MTMR1: variants seen among roughly 807,000 people sequenced by gnomAD.
MTMR1 encodes the protein phosphatidylinositol-3-phosphate phosphatase MTMR1.
MTMR1 carries 17 observed loss-of-function variants against 51.6 expected under a neutral mutation model. The ratio of observed to expected loss-of-function variants is 0.33; its 90% confidence interval spans 0.23 to 0.49. The LOEUF is 0.49. MTMR1 is among the 20% of genes least tolerant of loss of function. The pLI is 0.99. For synonymous variants in MTMR1, 201 were observed against 205.6 expected (o/e 0.98, Z 0.19); for missense variants, 386 against 526.9 (o/e 0.73, Z 2.62).
At chrX:150,733,502 C>T (rs2042178171) in intron 10 of MTMR1, among the ~76,000 whole-genome samples, 1 of 110,426 alleles carries the variant, frequency 9.1e-6, no homozygotes, top group Non-Finnish European at 1.9e-5. Flanking sequence ...GTTGACATCT[C>T]TGCTTGGCTG....
At chrX:150,724,478 T>A (rs998454804) in intron 4 of MTMR1, among the ~76,000 whole-genome samples, 2 of 112,008 alleles carry the variant, frequency 1.8e-5, no homozygotes, top group Admixed American at 9.5e-5. Context: ...TCCTTATAGA[T>A]GCTGGATATT....
chrX:150,706,021 A>G (rs1327136716), intron 2 of MTMR1, among the ~76,000 whole-genome samples: 1 of 111,569 alleles, frequency 9.0e-6, no homozygotes, highest in Non-Finnish European at 1.9e-5. Context: ...GTAATTTATA[A>G]AGAAAATAAA....
intron 10 of MTMR1, chrX:150,735,636 C>CT: frequency 5.7e-6 from 2 of 347,908 alleles, no homozygotes; most frequent in Non-Finnish European, 5.0e-6. Flanking sequence ...GAGTGATCTT[C>CT]TTTTTTAAAA....
chrX:150,722,456 G>A (rs1469410505), intron 4 of MTMR1, among the ~76,000 whole-genome samples: 3 of 111,724 alleles, frequency 2.7e-5, no homozygotes, highest in Non-Finnish European at 5.7e-5. Flanking sequence ...AATTGACCTC[G>A]TTATTATCAT....
intron 1 of MTMR1, among the ~76,000 whole-genome samples, chrX:150,698,673 C>G (rs974228311): frequency 1.9e-5 from 1 of 53,942 alleles, no homozygotes; most frequent in African/African-American, 7.6e-5. Context: ...CCTGTCTACA[C>G]GCGCGCGCAC....
At chrX:150,751,034 G>C in intron 14 of MTMR1, 191 bp downstream of exon 14, 1 of 1,159,253 alleles carries the variant, frequency 8.6e-7, no homozygotes, top group Non-Finnish European at 1.2e-6. Context: ...TTCTAGGCAT[G>C]GGGGGCTGGG....
In MTMR1 at chrX:150,730,136, A is replaced by G; in HGVS notation, c.583A>G (p.Lys195Glu). The G allele has an allele frequency of 8.3e-7, 1 of 1,202,333 alleles. No homozygotes were observed. The highest frequency in any genetic ancestry group is 1.8e-5 in the South Asian group (1 of 54,764). ...TATGAGGAACTTGCGGCTTGCTTATAAACAGGAAGAACAGAGTAAACTAGG... is the reference window on the plus strand; with the variant it reads ...TATGAGGAACTTGCGGCTTGCTTATGAACAGGAAGAACAGAGTAAACTAGG... ...KDMRNLRLAY[K>E]QEEQSKLGIF... The change falls in exon 7 of 16, where the codon AAA (lysine) becomes GAA (glutamate). Residue 195 changes from lysine to glutamate, a missense_variant. Lys to Glu is a moderately conservative substitution (Grantham distance 56, BLOSUM62 1). Coordinates refer to ENST00000445323, the MANE Select transcript of MTMR1 (RefSeq NM_001306144.3).
intron 15 of MTMR1, among the ~76,000 whole-genome samples, chrX:150,759,726 C>G (rs2043031140): frequency 9.1e-6 from 1 of 109,886 alleles, no homozygotes; most frequent in Admixed American, 9.6e-5. Flanking sequence ...TAGGCGAAGC[C>G]ACCTGCAACA....
chrX:150,754,231 T>G (rs1340835844), intron 14 of MTMR1, among the ~76,000 whole-genome samples: 2 of 113,319 alleles, frequency 1.8e-5, no homozygotes, highest in Admixed American at 9.3e-5. Flanking sequence ...TGTAGCTTTG[T>G]GGTAAGTTTT....
At chrX:150,762,417 G>A in intron 15 of MTMR1, 148 bp from the exon 16 acceptor site, 1 of 716,585 alleles carries the variant, frequency 1.4e-6, no homozygotes, top group African/African-American at 2.2e-5. Flanking sequence ...TTGTCCACCT[G>A]ACGCGAGATC....
At chrX:150,727,893 C>T (rs1398933489) in intron 6 of MTMR1, 102 bp downstream of exon 6, 1 of 454,079 alleles carries the variant, frequency 2.2e-6, no homozygotes, top group African/African-American at 2.4e-5. Context: ...ATAATTTGTA[C>T]TGCTAGTAAC....
intron 4 of MTMR1, among the ~76,000 whole-genome samples, chrX:150,719,672 G>A (rs1557416527): frequency 8.9e-6 from 1 of 112,018 alleles, no homozygotes; most frequent in Non-Finnish European, 1.9e-5. Context: ...CAACACAGGC[G>A]TAAAATGTAA....
rs1231239529 is a variant in MTMR1, at chrX:150,749,569, C to T, written c.1567-1161C>T. 3.6e-5 allele frequency among the ~76,000 whole-genome samples: 4 copies of T among 111,865 alleles called. 1 individual carries two copies. The highest frequency in any genetic ancestry group is 1.3e-4 in the African/African-American group (4 of 30,763). On this transcript the variant is annotated intron_variant, in intron 13 of 15. Transcript: ENST00000445323. ...CTTCCAGATCATCTCATGGCCACAA[C>T]ACACCAGCTACTGGCTAGAACCTGC...
At chrX:150,737,508 G>A (rs1255051121) in intron 12 of MTMR1, 60 bp downstream of exon 12, 20 of 1,010,089 alleles carry the variant, frequency 2.0e-5, no homozygotes, top group African/African-American at 1.9e-5. Context: ...GGATGTAAAC[G>A]TCATGTGTGA....
chrX:150,710,548 G>A (rs2041272231), intron 2 of MTMR1, among the ~76,000 whole-genome samples: 1 of 110,981 alleles, frequency 9.0e-6, no homozygotes, highest in Non-Finnish European at 1.9e-5. Context: ...TTTTAGTAGA[G>A]ACGGGTTTCA....
intron 2 of MTMR1, among the ~76,000 whole-genome samples, chrX:150,704,009 G>GA (rs1202467005): frequency 9.0e-6 from 1 of 111,682 alleles, no homozygotes; most frequent in Non-Finnish European, 1.9e-5. Flanking sequence ...TCTGTTTCTG[G>GA]AAAAAATGGA....
intron 2 of MTMR1, among the ~76,000 whole-genome samples, chrX:150,706,304 G>A (rs782408616): frequency 8.9e-6 from 1 of 111,780 alleles, no homozygotes; most frequent in South Asian, 3.8e-4. Flanking sequence ...AAATTTAGGG[G>A]ACATGTTCAA....
intron 2 of MTMR1, among the ~76,000 whole-genome samples, chrX:150,705,927 A>G (rs142887177): frequency 3.6e-5 from 4 of 112,574 alleles, no homozygotes; most frequent in African/African-American, 1.3e-4. Flanking sequence ...ACACAGTGCC[A>G]TTGACATTAG....
At position 150,758,641 on chromosome X, in the gene MTMR1, A is replaced by G. The variant is rs556660647; in HGVS notation, c.1857+2776A>G. Among the ~76,000 whole-genome samples the G allele has an allele frequency of 1.2e-3, 129 of 110,802 alleles. 2 individuals are homozygous for G. In the South Asian group the frequency reaches 0.047, roughly 41 times the overall value. ...CCCTGTCTCTACTAAAAATACAAAA[A>G]TTAGCCAGGTGTGGTGGTGCACGCC... On this transcript the variant is annotated intron_variant, in intron 15 of 15. Coordinates refer to ENST00000445323, the MANE Select transcript of MTMR1 (RefSeq NM_001306144.3).
Sources: gnomAD v4.1 joint callset for allele counts (sites outside exome capture counted in the v4.1 genomes callset) on GRCh38, gnomAD v4.1.1 for gene constraint, MANE v1.5 for transcripts, NCBI Gene and HGNC (gene_info 2026-07-23, HGNC 2026-07-21) for gene names.